The following UNC93B1 variants were observed in gnomAD, a reference collection of about 807,000 sequenced individuals.
UNC93B1 encodes the protein unc-93B1 regulator of TLR signaling.
In UNC93B1, 33 loss-of-function variants were observed where a neutral mutation model predicts 56.8. The ratio of observed to expected loss-of-function variants is 0.58; its 90% CI spans 0.44 to 0.78. The LOEUF is 0.78. Among genes scored for constraint, UNC93B1 ranks in the 30% least tolerant of loss-of-function variants. The probability of loss-of-function intolerance (pLI) is 0.00; values close to 1 mark genes in which losing one functional copy is unlikely to be tolerated. For synonymous variants in UNC93B1, 334 were observed against 358.6 expected (o/e 0.93, Z 0.77); for missense variants, 673 against 819.5 (o/e 0.82, Z 2.18).
rs1856922391 is a variant in UNC93B1 at position 67,995,461 on chromosome 11, C to T, written c.1363+150G>A. The T allele has an allele frequency of 5.8e-5, 40 of 686,398 alleles. No individual in the cohort carries two copies. The South Asian group carries it at 8.7e-4, about 15-fold the overall frequency. The allele number at this position is 686,398 out of a possible 1,614,324, so 42.5% of individuals were successfully genotyped here. A position where few individuals can be genotyped will look rare whatever the true frequency, so the allele number is the denominator to read the frequency against. ...ACCCCCGGAGTGTCCACAGGAAGCC[C>T]CACCTGCCTCTGCCATGTCCACAGG... On this transcript the variant is annotated intron_variant, in intron 9 of 10. Coordinates refer to ENST00000227471, the MANE Select transcript of UNC93B1 (RefSeq NM_030930.4).
chr11:67,991,687 G>C lies in UNC93B1; in HGVS notation c.1653C>G (p.Asp551Glu). ...CGCCGTCCCCATGCTCGCCCTCCGC[G>C]TCGCTCTCGTCCGAGTTGTCCTCCT... ...YLEEDNSDES[D>E]AEGEHGDGAE... Residue 551 changes from aspartate to glutamate, a missense_variant, in exon 11 of 11, where the codon GAC (aspartate) becomes GAG (glutamate). Coordinates refer to ENST00000227471, the MANE Select transcript of UNC93B1 (RefSeq NM_030930.4). 1 of 1,531,944 alleles carries C rather than the reference G, an allele frequency of 6.5e-7. No individual in the cohort carries two copies. The highest frequency in any genetic ancestry group is 8.7e-7 in the Non-Finnish European group (1 of 1,145,568). The allele number at this position is 1,531,944 out of a possible 1,614,324, so 94.9% of individuals were successfully genotyped here.
At position 68,003,236 on chromosome 11, in the gene UNC93B1, G is replaced by C; in HGVS notation, c.239-61C>G. On this transcript the variant is annotated intron_variant, in intron 2 of 10. Transcript: ENST00000227471. This position sits in a 1 kb window ranked among gnomAD's most constrained non-coding sequence, Gnocchi z 4.4. ...GCCTAGCTTTGGGCGCCACCGAGCA[G>C]AAGACGGCATGCAGGCCTCGCAGGG... 1.3e-6 allele frequency: 2 copies of C among 1,501,680 alleles called. No individual in the cohort carries two copies. Among genetic ancestry groups the C allele is most frequent in the Non-Finnish European group, 1.8e-6 (2 of 1,127,878 alleles). 93.0% of individuals were successfully genotyped at this position (1,501,680 alleles called of 1,614,324 possible).
At chr11:67,993,554 T>C (rs1856884037) in intron 10 of UNC93B1, 122 bp downstream of exon 10, 1 of 683,780 alleles carries the variant, frequency 1.5e-6, no homozygotes, top group Non-Finnish European at 2.6e-6. Context: ...GCTGCAGGAA[T>C]GGGGCCTTGG....
chr11:67,996,613 C>G lies in UNC93B1; in HGVS notation c.1078G>C (p.Gly360Arg). 2 of 1,549,068 alleles carry G rather than the reference C, an allele frequency of 1.3e-6. No individual in the cohort carries two copies. Residue 360 changes from glycine (G) to arginine (R), a missense_variant, in exon 8 of 11, where the codon GGT (glycine) becomes CGT (arginine). Physicochemically the swap from Gly to Arg is moderately radical, Grantham distance 125 (BLOSUM62 -2). Coordinates refer to ENST00000227471, the MANE Select transcript of UNC93B1 (RefSeq NM_030930.4). The stretch of plus-strand genomic sequence containing the variant: ...CAGGCTGTACTTACCAAGGCGATAC[C>G]AGTGCAGGCAAAGAGCACCTCGAAG... ...SGFEVLFACT[G>R]IALGYGVCSV... is the part of the protein sequence containing the mutation.
At chr11:67,996,917 G>A (rs910177129) in intron 7 of UNC93B1, 133 bp from the exon 8 acceptor site, 7 of 1,147,066 alleles carry the variant, frequency 6.1e-6, no homozygotes, top group Non-Finnish European at 8.3e-6. Flanking sequence ...CCAGGGCCCC[G>A]CCCCTGAGAC....
rs542128375 is a variant in UNC93B1 at position 68,001,518 on chromosome 11, G to A, written c.392+1504C>T. Reference sequence around the variant, plus strand: ...TTAAAAATCAGCCAGATGTGATGGCGTGCGCCTGTAGGCCCAGCTACTCGG... The same window carrying A: ...TTAAAAATCAGCCAGATGTGATGGCATGCGCCTGTAGGCCCAGCTACTCGG... On this transcript the variant is annotated intron_variant, in intron 3 of 10. Coordinates refer to ENST00000227471, the MANE Select transcript of UNC93B1 (RefSeq NM_030930.4). Among the ~76,000 whole-genome samples, 184 of 152,108 alleles carry A rather than the reference G, an allele frequency of 1.2e-3. 1 individual carries two copies. The highest frequency in any genetic ancestry group is 3.3e-3 in the African/African-American group (138 of 41,484).
At chr11:68,001,194 CA>C (rs202021661) in intron 3 of UNC93B1, among the ~76,000 whole-genome samples, 5 of 148,402 alleles carry the variant, frequency 3.4e-5, no homozygotes, top group Non-Finnish European at 4.5e-5. Context: ...GACTCCATTT[CA>C]AAAAAAAAGT....
intron 7 of UNC93B1, chr11:67,997,420 C>A: frequency 1.8e-6 from 1 of 569,430 alleles, no homozygotes. Context: ...AAGCCTGTTC[C>A]CTCCTTCCCC....
rs1857081770 is a variant in UNC93B1, at chr11:68,003,588, C to T, written c.238+69G>A. 6.8e-7 allele frequency: 1 copy of T among 1,474,886 alleles called. No individual in the cohort carries two copies. Among genetic ancestry groups the T allele is most frequent in the Admixed American group, 2.2e-5 (1 of 45,072 alleles). The allele number at this position is 1,474,886 out of a possible 1,614,324, so 91.4% of individuals were successfully genotyped here. On this transcript the variant is annotated intron_variant, in intron 2 of 10. Transcript: ENST00000227471. This position sits in a 1 kb window ranked among gnomAD's most constrained non-coding sequence, Gnocchi z 4.4. ...TGAGAGCGGGCGGGAGGCGGCGGCCCGCGGTTTCTGTTTCCCGGGCCGGGC... is the reference window on the plus strand; with the variant it reads ...TGAGAGCGGGCGGGAGGCGGCGGCCTGCGGTTTCTGTTTCCCGGGCCGGGC...
chr11:67,995,103 G>A (rs564961437), intron 9 of UNC93B1, among the ~76,000 whole-genome samples: 2 of 152,302 alleles, frequency 1.3e-5, no homozygotes, highest in South Asian at 4.1e-4. Flanking sequence ...GTGTACAACA[G>A]GCCACTTGCT....
At chr11:67,992,188 A>C (rs1459277876) in intron 10 of UNC93B1, among the ~76,000 whole-genome samples, 1 of 152,248 alleles carries the variant, frequency 6.6e-6, no homozygotes, top group Non-Finnish European at 1.5e-5. Context: ...CAGGGCTCAC[A>C]ACACTGTGTC....
intron 10 of UNC93B1, among the ~76,000 whole-genome samples, chr11:67,992,718 G>A (rs1307544378): frequency 7.1e-6 from 1 of 141,274 alleles, no homozygotes; most frequent in South Asian, 2.2e-4. Context: ...AGGCTGAAGT[G>A]CGGTGGCGCG....
chr11:67,993,783 T>C lies in UNC93B1; in HGVS notation c.1375A>G (p.Ile459Val). The C allele has an allele frequency of 4.5e-6, 5 of 1,100,628 alleles. No homozygotes were observed. The highest frequency in any genetic ancestry group is 6.7e-6 in the Non-Finnish European group (5 of 747,548). The allele number at this position is 1,100,628 out of a possible 1,614,324, so 68.2% of individuals were successfully genotyped here. Residue 459 changes from isoleucine (I) to valine (V), a missense_variant, in exon 10 of 11, where the codon ATC (isoleucine) becomes GTC (valine). By Grantham distance (29) the Ile-to-Val change is conservative. Transcript: ENST00000227471. Reference protein sequence around the residue: ...NKTGLSTLLGILYEDKERQDF... With the variant: ...NKTGLSTLLGVLYEDKERQDF... ...TGTCTCTCCTTGTCTTCGTACAAGATTCCCAGGAGTGCTGCAGGCAGGCAG... is the reference window on the plus strand; with the variant it reads ...TGTCTCTCCTTGTCTTCGTACAAGACTCCCAGGAGTGCTGCAGGCAGGCAG...
chr11:68,000,892 C>T lies in UNC93B1; in HGVS notation c.393-1212G>A, dbSNP rs143701784. Among the ~76,000 whole-genome samples, 1,177 of 151,984 alleles carry T rather than the reference C, an allele frequency of 7.7e-3. 17 individuals carry two copies. The highest frequency in any genetic ancestry group is 0.027 in the African/African-American group (1,108 of 41,474). The stretch of plus-strand genomic sequence containing the variant: ...CCTCAAATTATTGGGAATGAAATTG[C>T]GCTTATAAAGTGCCCAGCACGGCCG... On this transcript the variant is annotated intron_variant, in intron 3 of 10. Coordinates refer to ENST00000227471, the MANE Select transcript of UNC93B1 (RefSeq NM_030930.4).
chr11:67,995,758 C>T lies in UNC93B1; in HGVS notation c.1216G>A (p.Val406Met), dbSNP rs778453022. The change falls in exon 9 of 11, where the codon GTG (valine) becomes ATG (methionine). Residue 406 changes from valine to methionine, a missense_variant. Physicochemically the swap from Val to Met is conservative, Grantham distance 21. This residue lies in a region of UNC93B1 where 155 missense variants were observed against 268.3 expected (regional missense o/e 0.58). Coordinates refer to ENST00000227471, the MANE Select transcript of UNC93B1 (RefSeq NM_030930.4). ...AGCAGGTGCACCCCTGCTCCGGCCA[C>T]CAGGGGCACCGGGCGTGGCAGCCAC... ...GLWLPRPVPLVAGAGVHLLLT... is the reference protein window; with the variant it reads ...GLWLPRPVPLMAGAGVHLLLT... 16 of 1,548,298 alleles carry T rather than the reference C, an allele frequency of 1.0e-5. No homozygotes were observed. The East Asian group carries it at 2.0e-4, about 19-fold the overall frequency.
At chr11:67,998,528 G>A in intron 5 of UNC93B1, 76 bp from the exon 6 acceptor site, 1 of 1,476,536 alleles carries the variant, frequency 6.8e-7, no homozygotes, top group Non-Finnish European at 9.4e-7. Flanking sequence ...TCTGGGGAGG[G>A]GTCCAGGCAC....
intron 5 of UNC93B1, 37 bp downstream of exon 5, chr11:67,999,135 TG>T (rs1382634912): frequency 6.2e-7 from 1 of 1,612,756 alleles, no homozygotes; most frequent in African/African-American, 1.3e-5. Flanking sequence ...TGCGTGGGTC[TG>T]CCCCTGCCAC....
At chr11:67,998,915 A>C (rs151165978) in intron 5 of UNC93B1, among the ~76,000 whole-genome samples, 1 of 152,218 alleles carries the variant, frequency 6.6e-6, no homozygotes, top group Non-Finnish European at 1.5e-5. Flanking sequence ...ACCAAAAAAA[A>C]AAGAAAGAAA....
At position 68,003,049 on chromosome 11, in the gene UNC93B1, G is replaced by A; in HGVS notation, c.365C>T (p.Ala122Val). Residue 122 changes from alanine (A) to valine (V), a missense_variant, in exon 3 of 11, where the codon GCC (alanine) becomes GTC (valine). Around this residue, in one of 3 missense-constraint regions of UNC93B1, gnomAD observed 438 missense variants for 465.9 expected, o/e 0.94. Transcript: ENST00000227471. This position sits in a 1 kb window ranked among gnomAD's most constrained non-coding sequence, Gnocchi z 4.4. ...GATGAGCACAGGTGTGTAGAGCAGG[G>A]CGGCGATGGGAGTCACGTTGATGCC... ...LMGINVTPIA[A>V]LLYTPVLIRF... 6.2e-7 allele frequency: 1 copy of A among 1,612,884 alleles called. No homozygotes were observed. Among genetic ancestry groups the A allele is most frequent in the Non-Finnish European group, 8.5e-7 (1 of 1,179,568 alleles).
Sources: allele counts gnomAD v4.1 joint callset (sites outside exome capture counted in the v4.1 genomes callset), GRCh38; gene constraint gnomAD v4.1.1; regional missense constraint gnomAD v4.1.1; non-coding constraint Gnocchi (gnomAD v3.1); transcripts MANE v1.5; gene names NCBI Gene and HGNC (gene_info 2026-07-23, HGNC 2026-07-21).